Variants in GPR158 observed in about 807,000 individuals in gnomAD.
The protein encoded by GPR158 is G protein-coupled receptor 158, also known as metabotropic glycine receptor.
GPR158 carries 30 observed loss-of-function variants against 78.2 expected under a neutral mutation model. The observed-to-expected ratio is 0.38, with a 90% CI of 0.29 to 0.52. GPR158 has a LOEUF of 0.52. Among genes scored for constraint, GPR158 ranks in the 20% least tolerant of loss-of-function variants. The pLI is 0.83. For missense variants in GPR158, 1,463 were observed against 1,523.5 expected (o/e 0.96, Z 0.66); for synonymous variants, 581 against 591.1 (o/e 0.98, Z 0.25).
intron 2 of GPR158, among the ~76,000 whole-genome samples, chr10:25,349,537 C>T (rs1855424326): frequency 6.8e-6 from 1 of 146,260 alleles, no homozygotes; most frequent in African/African-American, 2.8e-5. Context: ...CTCACAAGAT[C>T]TGATTGTTTA....
intron 3 of GPR158, among the ~76,000 whole-genome samples, chr10:25,410,123 C>T (rs996885151): frequency 3.9e-5 from 6 of 152,190 alleles, no homozygotes. Flanking sequence ...GCATCTCCCT[C>T]TGTACATTTC....
At chr10:25,317,716 G>GTTTTTTTTTTTTTTTTTT (rs756759445) in intron 2 of GPR158, among the ~76,000 whole-genome samples, 65 of 134,042 alleles carry the variant, frequency 4.8e-4, no homozygotes, top group South Asian at 2.2e-3. Flanking sequence ...TTCGTAAAGT[G>GTTTTTTTTTTTTTTTTTT]TTTTTTTTTG....
rs757277921 is a variant in GPR158 at position 25,175,658 on chromosome 10, A to C, written c.238A>C (p.Met80Leu). ...LAQKLAEEVP[M>L]DVASYLYTGD... ...GCAGAAACTCGCCGAGGAGGTGCCC[A>C]TGGACGTGGCCTCTTACCTCTACAC... is the stretch of plus-strand genomic sequence containing the variant. The change falls in exon 1 of 11, where the codon ATG becomes CTG. Residue 80 changes from methionine to leucine, a missense_variant. Coordinates refer to ENST00000376351, the MANE Select transcript of GPR158 (RefSeq NM_020752.3). The surrounding 1 kb of genome is among the most constrained non-coding windows in gnomAD (Gnocchi z 6.4). 2.5e-6 allele frequency: 4 copies of C among 1,611,496 alleles called. No individual in the cohort carries two copies. The highest frequency in any genetic ancestry group is 3.4e-6 in the Non-Finnish European group (4 of 1,179,936).
intron 1 of GPR158, among the ~76,000 whole-genome samples, chr10:25,184,480 C>T (rs966512110): frequency 5.9e-5 from 9 of 152,308 alleles, no homozygotes; most frequent in Middle Eastern, 3.4e-3. Context: ...TATTTGTCTT[C>T]GTAATAGTTT....
intron 5 of GPR158, among the ~76,000 whole-genome samples, chr10:25,522,513 T>C (rs887532273): frequency 3.3e-5 from 5 of 152,112 alleles, no homozygotes; most frequent in Admixed American, 1.3e-4. Flanking sequence ...ATATAGATGT[T>C]GGGGGGAAAT....
chr10:25,236,930 G>T (rs1853534267), intron 2 of GPR158, among the ~76,000 whole-genome samples: 1 of 152,042 alleles, frequency 6.6e-6, no homozygotes, highest in African/African-American at 2.4e-5. Flanking sequence ...TGTATATGAA[G>T]TTGTATTTAA....
chr10:25,408,010 G>A (rs1438930194), intron 3 of GPR158, among the ~76,000 whole-genome samples: 38 of 152,148 alleles, frequency 2.5e-4, no homozygotes, highest in Admixed American at 2.5e-3. Context: ...GTGATTCGAG[G>A]TGCTAAATAG....
chr10:25,503,904 T>C (rs1835976034), intron 5 of GPR158, among the ~76,000 whole-genome samples: 1 of 151,826 alleles, frequency 6.6e-6, no homozygotes, highest in African/African-American at 2.4e-5. Flanking sequence ...TTTTTTTTTT[T>C]TTTTGAGACA....
chr10:25,176,374 G>T lies in GPR158; in HGVS notation c.902+52G>T. ...AAGGCAAAAGCGAAGCTTTCCTTCC[G>T]GTCTTGTGGGTGGGTGCACGTGTGA... On this transcript the variant is annotated intron_variant, in intron 1 of 10. Coordinates refer to ENST00000376351, the MANE Select transcript of GPR158 (RefSeq NM_020752.3). The surrounding 1 kb of genome is among the most constrained non-coding windows in gnomAD (Gnocchi z 6.3). 2 of 1,358,358 alleles carry T rather than the reference G, an allele frequency of 1.5e-6. No homozygotes were observed. Among genetic ancestry groups the T allele is most frequent in the Non-Finnish European group, 2.0e-6 (2 of 998,500 alleles). The allele number at this position is 1,358,358 out of a possible 1,614,324, so 84.1% of individuals were successfully genotyped here.
At chr10:25,502,206 A>G (rs1835952410) in intron 5 of GPR158, among the ~76,000 whole-genome samples, 1 of 152,038 alleles carries the variant, frequency 6.6e-6, no homozygotes, top group Admixed American at 6.6e-5. Context: ...GGCTTATATA[A>G]CCTCAGACCA....
Position 25,520,586 on chromosome 10 carries a change from T to C in GPR158, c.1405-30390T>C, listed in dbSNP as rs888695889. Among the ~76,000 whole-genome samples, 25 of 150,416 alleles carry C rather than the reference T, an allele frequency of 1.7e-4. 1 individual carries two copies. Among genetic ancestry groups the C allele is most frequent in the African/African-American group, 6.0e-4 (24 of 40,166 alleles). On this transcript the variant is annotated intron_variant, in intron 5 of 10. Transcript: ENST00000376351. ...GTCCTTTCTGTTTGTTAGTTTTCCT[T>C]CTAACAGACAGGACCCTCAGCTGCA...
At chr10:25,494,885 A>G (rs998226400) in intron 5 of GPR158, among the ~76,000 whole-genome samples, 2 of 152,132 alleles carry the variant, frequency 1.3e-5, no homozygotes, top group African/African-American at 4.8e-5. Flanking sequence ...TTTATTTGTC[A>G]TTTATTCATC....
chr10:25,202,394 C>A (rs1852944105), intron 1 of GPR158, among the ~76,000 whole-genome samples: 1 of 152,046 alleles, frequency 6.6e-6, no homozygotes, highest in African/African-American at 2.4e-5. Context: ...CTAATGCTAT[C>A]TCTACCCACT....
rs1853290017 is a variant in GPR158 at position 25,220,836 on chromosome 10, A to T, written c.903-216A>T. 2.6e-5 allele frequency among the ~76,000 whole-genome samples: 4 copies of T among 152,284 alleles called. No individual in the cohort carries two copies. In the South Asian group the frequency reaches 8.3e-4, roughly 32 times the overall value. On this transcript the variant is annotated intron_variant, in intron 1 of 10. Transcript: ENST00000376351. ...GTACCAGGCATTATATAAGGAAGTG[A>T]AGACAGCTCCCTGCCTTTGGACTTA...
chr10:25,466,817 C>A, intron 5 of GPR158, 98 bp downstream of exon 5: 1 of 548,430 alleles, frequency 1.8e-6, no homozygotes, highest in Non-Finnish European at 3.1e-6. Context: ...TACACACACC[C>A]TGGTGTTACT....
At chr10:25,345,253 C>G (rs113208612) in intron 2 of GPR158, among the ~76,000 whole-genome samples, 3 of 152,072 alleles carry the variant, frequency 2.0e-5, no homozygotes, top group African/African-American at 7.2e-5. Context: ...AGTGGGAGCT[C>G]TACTAAGCCT....
intron 5 of GPR158, among the ~76,000 whole-genome samples, chr10:25,548,374 A>G (rs1257724607): frequency 6.6e-6 from 1 of 152,176 alleles, no homozygotes; most frequent in Non-Finnish European, 1.5e-5. Flanking sequence ...ATGATGAGAT[A>G]TAATTGTGCT....
intron 2 of GPR158, among the ~76,000 whole-genome samples, chr10:25,237,549 T>G (rs1853540785): frequency 6.6e-6 from 1 of 152,254 alleles, no homozygotes; most frequent in Non-Finnish European, 1.5e-5. Flanking sequence ...TTTTCATTTG[T>G]GATAGATGAA....
At chr10:25,570,919 TAAAAA>T (rs936915270) in intron 6 of GPR158, among the ~76,000 whole-genome samples, 2 of 151,850 alleles carry the variant, frequency 1.3e-5, no homozygotes, top group African/African-American at 2.4e-5. Context: ...GACTCCATCT[TAAAAA>T]AAATAAAATA....
Sources: gnomAD v4.1 joint callset for allele counts (sites outside exome capture counted in the v4.1 genomes callset) on GRCh38, gnomAD v4.1.1 for gene constraint, Gnocchi (gnomAD v3.1) non-coding constraint, MANE v1.5 for transcripts, NCBI Gene and HGNC (gene_info 2026-07-23, HGNC 2026-07-21) for gene names.